Variants in NDUFAF6 observed in about 807,000 individuals in gnomAD.
NDUFAF6 encodes the protein NADH:ubiquinone oxidoreductase complex assembly factor 6, also known as NADH dehydrogenase (ubiquinone) complex I, assembly factor 6.
NDUFAF6 carries 45 observed loss-of-function variants against 40.8 expected under a neutral mutation model. The observed-to-expected ratio is 1.10, with a 90% confidence interval of 0.87 to 1.42. The LOEUF is 1.42. NDUFAF6 is among the 40% of genes most tolerant of loss of function. The pLI is 0.00. For synonymous variants in NDUFAF6, 185 were observed against 155.9 expected (o/e 1.19, Z -1.39); for missense variants, 435 against 418.5 (o/e 1.04, Z -0.34).
intron 2 of NDUFAF6, among the ~76,000 whole-genome samples, chr8:95,085,255 A>C (rs1587255434): frequency 6.6e-6 from 1 of 152,326 alleles, no homozygotes; most frequent in Middle Eastern, 3.4e-3. Context: ...ATTCAAGATG[A>C]GAAAAGTTAG....
chr8:95,078,662 A>AAAATATATATATAT (rs545018367), downstream of NDUFAF6: 98 of 121,028 alleles, frequency 8.1e-4, no homozygotes, highest in African/African-American at 3.2e-3. Flanking sequence ...AAAAAAAAAA[A>AAAATATATATATAT]ATATATATAT....
downstream of NDUFAF6, among the ~76,000 whole-genome samples, chr8:95,062,440 G>A (rs1832595600): frequency 6.6e-6 from 1 of 152,188 alleles, no homozygotes; most frequent in South Asian, 2.1e-4. Flanking sequence ...TAGGCCTGCA[G>A]GCATATTTTG....
At chr8:95,094,331 T>C (rs907743094) in intron 2 of NDUFAF6, among the ~76,000 whole-genome samples, 1 of 151,902 alleles carries the variant, frequency 6.6e-6, no homozygotes, top group African/African-American at 2.4e-5. Context: ...TGTGCCCAAC[T>C]ATTCTATGTC....
chr8:95,025,366 G>A (rs1356821277), intron 1 of NDUFAF6, among the ~76,000 whole-genome samples, 161 bp downstream of exon 1: 1 of 152,222 alleles, frequency 6.6e-6, no homozygotes, highest in African/African-American at 2.4e-5. Flanking sequence ...GGTGTGCGGA[G>A]GCAGCGGGCC....
At chr8:95,079,567 A>G (rs1429258549), downstream of NDUFAF6, among the ~76,000 whole-genome samples, 1 of 152,226 alleles carries the variant, frequency 6.6e-6, no homozygotes, top group African/African-American at 2.4e-5. Context: ...TTTGAAAACC[A>G]TTGAACTAAA....
In NDUFAF6 at chr8:95,045,604, A is replaced by G; in HGVS notation, c.537A>G (p.Glu179=). Residue 179 remains glutamate, a synonymous_variant, in exon 5 of 9, where the codon GAA becomes GAG. Transcript: ENST00000396124. ...TCAAGGAACTGGAAAATTATGCTGA[A>G]AACACACAGAGCTCTCTTCTTTACT... is the stretch of plus-strand genomic sequence containing the variant. The part of the protein sequence containing the change: ...RNIKELENYA[E]NTQSSLLYLT... The G allele has an allele frequency of 6.2e-7, 1 of 1,613,552 alleles. No individual in the cohort carries two copies.
intron 3 of NDUFAF6, among the ~76,000 whole-genome samples, chr8:95,039,236 C>T (rs1300805571): frequency 2.0e-5 from 3 of 151,452 alleles, no homozygotes; most frequent in Non-Finnish European, 2.9e-5. Flanking sequence ...GGGTGGATCA[C>T]GAGGTCAAGA....
intron 2 of NDUFAF6, among the ~76,000 whole-genome samples, chr8:94,993,180 T>C (rs1453589216): frequency 1.3e-5 from 2 of 152,172 alleles, no homozygotes; most frequent in African/African-American, 4.8e-5. Flanking sequence ...TCAGGAACCT[T>C]ATCTCCTCTT....
upstream of NDUFAF6, among the ~76,000 whole-genome samples, chr8:94,954,340 C>T (rs1352294171): frequency 6.6e-6 from 1 of 152,220 alleles, no homozygotes; most frequent in African/African-American, 2.4e-5. Context: ...GGATTACAGG[C>T]ATGAACCACC....
At chr8:95,057,745 G>A in intron 8 of NDUFAF6, 64 bp from the exon 9 acceptor site, 1 of 990,262 alleles carries the variant, frequency 1.0e-6, no homozygotes, top group Non-Finnish European at 1.5e-6. Context: ...TCTTTAGTTA[G>A]TTTTTTTTTT....
At chr8:94,994,138 T>C (rs997639710) in intron 2 of NDUFAF6, among the ~76,000 whole-genome samples, 6 of 152,150 alleles carry the variant, frequency 3.9e-5, no homozygotes, top group Non-Finnish European at 7.4e-5. Context: ...CCCTGCCCCA[T>C]TTATGTTGGG....
At chr8:95,093,513 C>T (rs1332496824) in intron 2 of NDUFAF6, among the ~76,000 whole-genome samples, 3 of 152,220 alleles carry the variant, frequency 2.0e-5, no homozygotes, top group South Asian at 4.1e-4. Context: ...TATAGTTCAA[C>T]AATGTATACC....
chr8:95,107,375 A>C (rs1053662529), downstream of NDUFAF6, among the ~76,000 whole-genome samples: 7 of 152,348 alleles, frequency 4.6e-5, no homozygotes, highest in Admixed American at 2.6e-4. Flanking sequence ...AGCTAACACA[A>C]GAACAGAAAA....
intron 1 of NDUFAF6, among the ~76,000 whole-genome samples, chr8:94,977,649 T>C (rs1009292258): frequency 6.6e-6 from 1 of 151,992 alleles, no homozygotes; most frequent in Admixed American, 6.6e-5. Flanking sequence ...CTTCCGCTTC[T>C]CCTGTCCTTG....
At chr8:94,986,783 C>T (rs1825929236) in intron 2 of NDUFAF6, among the ~76,000 whole-genome samples, 2 of 152,128 alleles carry the variant, frequency 1.3e-5, no homozygotes, top group Admixed American at 6.5e-5. Flanking sequence ...GATTCTATTC[C>T]CCTATTACCT....
intron 2 of NDUFAF6, chr8:94,984,081 G>A (rs1825651113): frequency 6.6e-6 from 1 of 152,212 alleles, no homozygotes. Context: ...CTTTGTAGTT[G>A]CTGTTAAGAT....
At chr8:94,981,098 A>G (rs1292125963) in intron 2 of NDUFAF6, 3 of 404,648 alleles carry the variant, frequency 7.4e-6, no homozygotes, top group Non-Finnish European at 1.5e-5. Flanking sequence ...CTTGGACTCC[A>G]GTGTGACAGT....
At chr8:95,036,402 C>G in intron 3 of NDUFAF6, 1 of 1,289,434 alleles carries the variant, frequency 7.8e-7, no homozygotes, top group South Asian at 1.2e-5. Flanking sequence ...GGCCCAGTTT[C>G]TGGGCCCCAG....
chr8:95,108,725 C>T (rs975748337), intron 4 of NDUFAF6, among the ~76,000 whole-genome samples: 2 of 152,070 alleles, frequency 1.3e-5, no homozygotes, highest in African/African-American at 2.4e-5. Flanking sequence ...AAATTGGAAC[C>T]TTTGTGCTTT....
Sources: gnomAD v4.1 joint callset for allele counts (sites outside exome capture counted in the v4.1 genomes callset) on GRCh38, gnomAD v4.1.1 for gene constraint, MANE v1.5 for transcripts, NCBI Gene and HGNC (gene_info 2026-07-23, HGNC 2026-07-21) for gene names.